The following PROKR1 variants were observed in gnomAD, a reference collection of about 807,000 sequenced individuals.
PROKR1 encodes the protein G protein-coupled receptor 73.
PROKR1 carries 21 observed loss-of-function variants against 22.8 expected under a neutral mutation model. The observed-to-expected ratio is 0.92, with a 90% CI of 0.65 to 1.32. The LOEUF (loss-of-function observed/expected upper bound fraction) is 1.32, where lower values mean the gene tolerates loss of function less well. Ranked by LOEUF, PROKR1 falls within the 40% of genes most tolerant of loss-of-function variation. The probability of loss-of-function intolerance (pLI) is 0.00; values close to 1 mark genes in which losing one functional copy is unlikely to be tolerated. For missense variants in PROKR1, 548 were observed against 514.2 expected (o/e 1.07, Z -0.64); for synonymous variants, 193 against 207.5 (o/e 0.93, Z 0.60).
In PROKR1 at chr2:68,655,679, G is replaced by A. The variant is rs1032982199; in HGVS notation, c.*103G>A. On this transcript the variant is annotated 3_prime_UTR_variant, in exon 3 of 3. Coordinates refer to ENST00000303786, the MANE Select transcript of PROKR1 (RefSeq NM_138964.4). ...CTGGAACTTTTTGTTTGCTGCAGAG[G>A]GTAAAGTAAATGGACCACTCTGTGA... is the stretch of plus-strand genomic sequence containing the variant. The A allele has an allele frequency of 1.7e-6, 2 of 1,172,024 alleles. No individual in the cohort carries two copies. The highest frequency in any genetic ancestry group is 5.0e-5 in the East Asian group (2 of 39,654). 72.6% of individuals were successfully genotyped at this position (1,172,024 alleles called of 1,614,324 possible).
In PROKR1 at chr2:68,656,784, C is replaced by T. The variant is rs1673481485; in HGVS notation, c.*1208C>T. 1 of 152,142 alleles carries T rather than the reference C, an allele frequency of 6.6e-6. No individual in the cohort carries two copies. Among genetic ancestry groups the T allele is most frequent in the Non-Finnish European group, 1.5e-5 (1 of 68,012 alleles). The allele number at this position is 152,142 out of a possible 1,614,324, so 9.4% of individuals were successfully genotyped here. On this transcript the variant is annotated 3_prime_UTR_variant, in exon 3 of 3. Coordinates refer to ENST00000303786, the MANE Select transcript of PROKR1 (RefSeq NM_138964.4). ...TTCCTTTGGATTAAGACTTGCTTTG[C>T]TTCTAAAATAGGGGTCCTCTTAGGA...
chr2:68,647,110 A>G (rs1673203380), intron 2 of PROKR1, among the ~76,000 whole-genome samples: 1 of 152,128 alleles, frequency 6.6e-6, no homozygotes, highest in African/African-American at 2.4e-5. Context: ...AAAAAAGGGA[A>G]CATATGTTTA....
chr2:68,646,440 T>C, intron 2 of PROKR1, 134 bp downstream of exon 2: 1 of 1,334,832 alleles, frequency 7.5e-7, no homozygotes, highest in Non-Finnish European at 1.0e-6. Context: ...CATGGGGGAC[T>C]CAAAAGCTTG....
chr2:68,654,959 G>A lies in PROKR1; in HGVS notation c.565G>A (p.Val189Met). The A allele has an allele frequency of 6.2e-7, 1 of 1,613,692 alleles. No individual in the cohort carries two copies. The highest frequency in any genetic ancestry group is 8.5e-7 in the Non-Finnish European group (1 of 1,179,976). ...ATGLIALVWT[V>M]SILIAIPSAY... ...TGGCCTGATTGCCTTGGTGTGGACG[G>A]TGTCCATCCTGATCGCCATCCCTTC... The change falls in exon 3 of 3, where the codon GTG (valine) becomes ATG (methionine). Residue 189 changes from valine (V) to methionine (M), a missense_variant. By Grantham distance (21) the Val-to-Met change is conservative. Coordinates refer to ENST00000303786, the MANE Select transcript of PROKR1 (RefSeq NM_138964.4).
chr2:68,653,759 C>T (rs1007327775), intron 2 of PROKR1, among the ~76,000 whole-genome samples: 4 of 152,088 alleles, frequency 2.6e-5, no homozygotes, highest in Admixed American at 1.3e-4. Flanking sequence ...GCTCTCATGC[C>T]GCACAATGAC....
rs139019102 is a variant in PROKR1, at chr2:68,648,454, C to T, written c.485+2148C>T. Among the ~76,000 whole-genome samples, 12 of 152,128 alleles carry T rather than the reference C, an allele frequency of 7.9e-5. No homozygotes were observed. In the East Asian group the frequency reaches 2.3e-3, roughly 29 times the overall value. ...ATGAATTAGAAAAAATGCTTTGCAC[C>T]GTGGGAGCTTCTATGGTTGAGTGGG... is the stretch of plus-strand genomic sequence containing the variant. On this transcript the variant is annotated intron_variant, in intron 2 of 2. Transcript: ENST00000303786.
At chr2:68,654,470 G>C (rs1673397668) in intron 2 of PROKR1, among the ~76,000 whole-genome samples, 1 of 152,100 alleles carries the variant, frequency 6.6e-6, no homozygotes, top group Non-Finnish European at 1.5e-5. Flanking sequence ...ATTGGGGTTT[G>C]CTTCAAGTTG....
Position 68,655,058 on chromosome 2 carries a change from C to T in PROKR1, c.664C>T (p.Pro222Ser), listed in dbSNP as rs1479661979. ...AAAGATCTTCTGCGGCCAGATCTGG[C>T]CTGTGGACCAGCAGCTCTACTACAA... is the stretch of plus-strand genomic sequence containing the variant. Reference protein sequence around the residue: ...QEKIFCGQIWPVDQQLYYKSY... With the variant: ...QEKIFCGQIWSVDQQLYYKSY... The change falls in exon 3 of 3, where the codon CCT becomes TCT. Residue 222 changes from proline to serine, a missense_variant. Transcript: ENST00000303786. The T allele has an allele frequency of 6.2e-7, 1 of 1,613,956 alleles. No individual in the cohort carries two copies. The highest frequency in any genetic ancestry group is 8.5e-7 in the Non-Finnish European group (1 of 1,179,988).
rs377223485 is a variant in PROKR1 at position 68,655,366 on chromosome 2, C to A, written c.972C>A (p.Phe324Leu). The change falls in exon 3 of 3, where the codon TTC becomes TTA. Residue 324 changes from phenylalanine to leucine, a missense_variant. Coordinates refer to ENST00000303786, the MANE Select transcript of PROKR1 (RefSeq NM_138964.4). Reference sequence around the variant, plus strand: ...AGGAGAAGCACTACCTCACTGCCTTCTACATCGTCGAGTGCATCGCCATGA... The same window carrying A: ...AGGAGAAGCACTACCTCACTGCCTTATACATCGTCGAGTGCATCGCCATGA... ...FVKEKHYLTA[F>L]YIVECIAMSN... 1.9e-6 allele frequency: 3 copies of A among 1,614,232 alleles called. No homozygotes were observed. The South Asian group carries it at 3.3e-5, about 18-fold the overall frequency.
intron 2 of PROKR1, among the ~76,000 whole-genome samples, chr2:68,648,358 T>G (rs1454896131): frequency 6.6e-6 from 1 of 152,188 alleles, no homozygotes; most frequent in Non-Finnish European, 1.5e-5. Flanking sequence ...AAACAGAGCT[T>G]GTCTGAAATA....
chr2:68,652,261 GA>G (rs1416803279), intron 2 of PROKR1, among the ~76,000 whole-genome samples: 1 of 152,266 alleles, frequency 6.6e-6, no homozygotes, highest in Non-Finnish European at 1.5e-5. Context: ...ATTATCTAGT[GA>G]AAAAGTGGAT....
rs1470993009 is a variant in PROKR1, at chr2:68,655,240, G to A, written c.846G>A (p.Thr282=). 3.1e-6 allele frequency: 5 copies of A among 1,614,122 alleles called. No individual in the cohort carries two copies. Among genetic ancestry groups the A allele is most frequent in the Admixed American group, 1.7e-5 (1 of 60,010 alleles). Reference sequence around the variant, plus strand: ...AGAGGCTGCGCTGCCGCAGGAAGACGGTCCTGGTGCTCATGTGCATCCTCA... The same window carrying A: ...AGAGGCTGCGCTGCCGCAGGAAGACAGTCCTGGTGCTCATGTGCATCCTCA... ...IRKRLRCRRK[T]VLVLMCILTA... is the part of the protein sequence containing the mutation. Residue 282 remains threonine, a synonymous_variant, in exon 3 of 3, where the codon ACG becomes ACA. Coordinates refer to ENST00000303786, the MANE Select transcript of PROKR1 (RefSeq NM_138964.4).
intron 2 of PROKR1, among the ~76,000 whole-genome samples, chr2:68,652,039 A>T (rs1673342594): frequency 6.6e-6 from 1 of 152,168 alleles, no homozygotes; most frequent in Non-Finnish European, 1.5e-5. Flanking sequence ...AGGCAAGAGG[A>T]GGGGGCATCA....
At chr2:68,645,497 A>G (rs1673156169) in intron 1 of PROKR1, among the ~76,000 whole-genome samples, 165 bp from the exon 2 acceptor site, 1 of 152,158 alleles carries the variant, frequency 6.6e-6, no homozygotes, top group South Asian at 2.1e-4. Flanking sequence ...CTAATTGAGT[A>G]TGTGGTTTTC....
intron 2 of PROKR1, 81 bp from the exon 3 acceptor site, chr2:68,654,799 C>G: frequency 7.7e-7 from 1 of 1,306,982 alleles, no homozygotes; most frequent in South Asian, 1.2e-5. Flanking sequence ...AGAGCAAAAC[C>G]CTGTTTCAAA....
intron 1 of PROKR1, among the ~76,000 whole-genome samples, chr2:68,644,441 G>T (rs4854479): frequency 6.6e-6 from 1 of 151,954 alleles, no homozygotes; most frequent in Admixed American, 6.6e-5. Flanking sequence ...TTGAGAGCTC[G>T]GAGGAAGGAA....
In PROKR1 at chr2:68,655,006, G is replaced by T. The variant is rs34234285; in HGVS notation, c.612G>T (p.Thr204=). The T allele has an allele frequency of 0.018, 29,103 of 1,613,526 alleles. 316 individuals are homozygous for T. Among genetic ancestry groups the T allele is most frequent in the Non-Finnish European group, 0.02 (24,132 of 1,179,950 alleles). The change falls in exon 3 of 3, where the codon ACG becomes ACT. Residue 204 remains threonine (T), a synonymous_variant. Coordinates refer to ENST00000303786, the MANE Select transcript of PROKR1 (RefSeq NM_138964.4). ...CTTCCGCCTACTTCACCACCGAGAC[G>T]GTCCTCGTCATTGTCAAGAGCCAGG... ...AIPSAYFTTE[T]VLVIVKSQEK... is the part of the protein sequence containing the mutation.
rs759297385 is a variant in PROKR1, at chr2:68,646,135, C to T, written c.314C>T (p.Ala105Val). 22 of 1,610,034 alleles carry T rather than the reference C, an allele frequency of 1.4e-5. No homozygotes were observed. Among genetic ancestry groups the T allele is most frequent in the South Asian group, 8.8e-5 (8 of 90,502 alleles). Residue 105 changes from alanine (A) to valine (V), a missense_variant, in exon 2 of 3, where the codon GCC (alanine) becomes GTC (valine). Ala to Val is a moderately conservative substitution (Grantham distance 64, BLOSUM62 0). Coordinates refer to ENST00000303786, the MANE Select transcript of PROKR1 (RefSeq NM_138964.4). ...NLTNLLIANLAISDFLVAIVC... is the reference protein window; with the variant it reads ...NLTNLLIANLVISDFLVAIVC... ...ACCAACCTGCTCATCGCCAACCTGGCCATCTCTGACTTCCTGGTGGCCATT... is the reference window on the plus strand; with the variant it reads ...ACCAACCTGCTCATCGCCAACCTGGTCATCTCTGACTTCCTGGTGGCCATT...
chr2:68,655,834 A>G lies in PROKR1; in HGVS notation c.*258A>G, dbSNP rs1673443416. Reference sequence around the variant, plus strand: ...AAACCTATATATGTTGATGACATTTAGTTGGCAAAATGAAATTGGAATTAA... The same window carrying G: ...AAACCTATATATGTTGATGACATTTGGTTGGCAAAATGAAATTGGAATTAA... On this transcript the variant is annotated 3_prime_UTR_variant, in exon 3 of 3. Transcript: ENST00000303786. 1 of 518,510 alleles carries G rather than the reference A, an allele frequency of 1.9e-6. No individual in the cohort carries two copies. The highest frequency in any genetic ancestry group is 3.5e-5 in the East Asian group (1 of 28,842). 32.1% of individuals were successfully genotyped at this position (518,510 alleles called of 1,614,324 possible). A position where few individuals can be genotyped will look rare whatever the true frequency, so the allele number is the denominator to read the frequency against.
Sources: allele counts gnomAD v4.1 joint callset (sites outside exome capture counted in the v4.1 genomes callset), GRCh38; gene constraint gnomAD v4.1.1; transcripts MANE v1.5; gene names NCBI Gene and HGNC (gene_info 2026-07-23, HGNC 2026-07-21).